The following SV2C variants were observed in gnomAD, a reference collection of about 807,000 sequenced individuals.
SV2C encodes the protein synaptic vesicle glycoprotein 2C.
In SV2C, 49 loss-of-function variants were observed where a neutral mutation model predicts 79.7. The observed-to-expected ratio is 0.61, with a 90% CI of 0.49 to 0.78. SV2C has a LOEUF of 0.78. Among genes scored for constraint, SV2C ranks in the 30% least tolerant of loss-of-function variants. SV2C has a pLI of 0.00. For missense variants in SV2C, 833 were observed against 912.9 expected, an observed-to-expected ratio of 0.91 and a Z score of 1.13; for synonymous variants, 334 against 333.2, an observed-to-expected ratio of 1.00 and a Z score of -0.03.
At chr5:76,273,028 G>C (rs978683227) in intron 4 of SV2C, among the ~76,000 whole-genome samples, 4 of 151,452 alleles carry the variant, frequency 2.6e-5, no homozygotes, top group African/African-American at 9.7e-5. Context: ...TCTATTTATA[G>C]ACTAATGAGC....
chr5:76,249,624 T>G (rs1003585151), intron 4 of SV2C, among the ~76,000 whole-genome samples: 6 of 152,180 alleles, frequency 3.9e-5, no homozygotes. Context: ...AATTAATATA[T>G]TTAACAAAAA....
the SV2C span, among the ~76,000 whole-genome samples, chr5:75,878,366 G>A: frequency 2.0e-5 from 3 of 152,048 alleles, no homozygotes; most frequent in East Asian, 1.9e-4. Flanking sequence ...AGGTTTAAAC[G>A]TCTGTTTCTT....
chr5:76,289,052 G>A (rs186505756), intron 6 of SV2C, among the ~76,000 whole-genome samples: 1 of 151,728 alleles, frequency 6.6e-6, no homozygotes, highest in Non-Finnish European at 1.5e-5. Flanking sequence ...GCTGATTTTT[G>A]AATTATTTGT....
the SV2C span, among the ~76,000 whole-genome samples, chr5:75,984,620 TATC>T: frequency 2.7e-5 from 4 of 150,896 alleles, no homozygotes; most frequent in African/African-American, 4.9e-5. Context: ...TCTATCTATC[TATC>T]ATCTATCTGT....
At position 76,169,913 on chromosome 5, in the gene SV2C, T is replaced by C. The variant is rs1245328256; in HGVS notation, c.581-25006T>C. ...TGGTTTCCCCAAAGAAGGTCAGAGA[T>C]GTCTTCTAGAGGGCTGGGTGGCAGC... On this transcript the variant is annotated intron_variant, in intron 2 of 12. Transcript: ENST00000502798. 2.0e-5 allele frequency among the ~76,000 whole-genome samples: 3 copies of C among 152,180 alleles called. No homozygotes were observed. The East Asian group carries it at 5.8e-4, about 29-fold the overall frequency.
At chr5:76,235,649 G>A (rs1309643103) in intron 4 of SV2C, among the ~76,000 whole-genome samples, 2 of 151,792 alleles carry the variant, frequency 1.3e-5, no homozygotes, top group Non-Finnish European at 1.5e-5. Flanking sequence ...CCAGGCTATC[G>A]ATTTCACATG....
chr5:76,109,267 TGCAAAGG>T lies in SV2C; in HGVS notation c.-101-22380_-101-22374del, dbSNP rs146976847. On this transcript the variant is annotated intron_variant, in intron 1 of 12. Transcript: ENST00000502798. Reference sequence around the variant, plus strand: ...CTTTCTAGTCTAATATCAGAAGAGTTGCAAAGGGCTCAATCTCTTGAGATTACAAGAA... The same window carrying T: ...CTTTCTAGTCTAATATCAGAAGAGTTGCTCAATCTCTTGAGATTACAAGAA... Among the ~76,000 whole-genome samples, 950 of 152,346 alleles carry T rather than the reference TGCAAAGG, an allele frequency of 6.2e-3. 7 individuals carry two copies. The highest frequency in any genetic ancestry group is 0.022 in the African/African-American group (897 of 41,586).
At chr5:76,318,620 G>T (rs1004443773) in intron 12 of SV2C, among the ~76,000 whole-genome samples, 9 of 152,122 alleles carry the variant, frequency 5.9e-5, no homozygotes, top group Non-Finnish European at 1.2e-4. Context: ...GATGCAGGGA[G>T]GAGAGCCACC....
chr5:75,911,012 A>T, the SV2C span: 1 of 1,044,272 alleles, frequency 9.6e-7, no homozygotes. Context: ...CTCACCTACT[A>T]GTCCCTCTAC....
exon 13 of SV2C, chr5:76,353,846 C>T (rs1197202736): frequency 6.6e-6 from 1 of 152,210 alleles, no homozygotes; most frequent in Non-Finnish European, 1.5e-5. Flanking sequence ...CTCATCATCA[C>T]CTGACATAAT....
chr5:76,342,226 A>G (rs1337850957), intron 12 of SV2C, among the ~76,000 whole-genome samples: 1 of 152,058 alleles, frequency 6.6e-6, no homozygotes, highest in Non-Finnish European at 1.5e-5. Flanking sequence ...ACCTGACACA[A>G]CTCGTCAAGG....
the SV2C span, among the ~76,000 whole-genome samples, chr5:75,983,860 T>C: frequency 6.6e-6 from 1 of 152,138 alleles, no homozygotes; most frequent in Non-Finnish European, 1.5e-5. Flanking sequence ...AAAGCACTTG[T>C]CCTTTCTGCT....
chr5:76,151,991 G>A (rs928111173), intron 2 of SV2C, among the ~76,000 whole-genome samples: 7 of 152,202 alleles, frequency 4.6e-5, no homozygotes, highest in Admixed American at 1.3e-4. Context: ...AGCTACAGAC[G>A]GAGCTTTAGT....
chr5:75,980,126 A>T, the SV2C span, among the ~76,000 whole-genome samples: 1 of 152,174 alleles, frequency 6.6e-6, no homozygotes, highest in Non-Finnish European at 1.5e-5. Context: ...GAAGAAATGG[A>T]TAAATTCTCG....
chr5:76,169,973 T>C (rs1267814392), intron 2 of SV2C, among the ~76,000 whole-genome samples: 1 of 144,074 alleles, frequency 6.9e-6, no homozygotes, highest in Non-Finnish European at 1.5e-5. Context: ...AAGATATTGG[T>C]AAAAAATAAT....
At chr5:75,918,783 G>A in the SV2C span, among the ~76,000 whole-genome samples, 15 of 152,234 alleles carry the variant, frequency 9.9e-5, no homozygotes, top group East Asian at 5.8e-4. Flanking sequence ...CAAGAGGGAA[G>A]AAGAGTTACA....
At chr5:76,105,156 A>G (rs1043279199) in intron 1 of SV2C, among the ~76,000 whole-genome samples, 13 of 152,194 alleles carry the variant, frequency 8.5e-5, no homozygotes, top group Non-Finnish European at 1.3e-4. Flanking sequence ...GGAATGATAC[A>G]TCTTCAAGTC....
the SV2C span, among the ~76,000 whole-genome samples, chr5:75,902,315 A>G: frequency 1.3e-5 from 2 of 152,182 alleles, no homozygotes; most frequent in African/African-American, 4.8e-5. Flanking sequence ...AGACACTCAC[A>G]CTAACACATA....
At chr5:76,167,831 T>C (rs1743090160) in intron 2 of SV2C, among the ~76,000 whole-genome samples, 1 of 152,228 alleles carries the variant, frequency 6.6e-6, no homozygotes. Context: ...TGAAGCTTTT[T>C]GTTTTTAATC....
Sources: gnomAD v4.1 joint callset for allele counts (sites outside exome capture counted in the v4.1 genomes callset) on GRCh38, gnomAD v4.1.1 for gene constraint, MANE v1.5 for transcripts, NCBI Gene and HGNC (gene_info 2026-07-23, HGNC 2026-07-21) for gene names.